ARHGAP18: variants seen among roughly 807,000 people sequenced by gnomAD.
ARHGAP18 encodes Rho GTPase activating protein 18, also known as rho GTPase-activating protein 18.
ARHGAP18 carries 67 observed loss-of-function variants against 86.2 expected under a neutral mutation model. The observed-to-expected ratio is 0.78, with a 90% CI of 0.64 to 0.95. The LOEUF (loss-of-function observed/expected upper bound fraction) is 0.95. Among genes scored for constraint, ARHGAP18 ranks in the 40% least tolerant of loss-of-function variants. The pLI is 0.00. For synonymous variants in ARHGAP18, 283 were observed against 280.4 expected (o/e 1.01, Z -0.09); for missense variants, 691 against 780.4 (o/e 0.89, Z 1.37).
chr6:129,660,255 C>G (rs1176279550), intron 1 of ARHGAP18, among the ~76,000 whole-genome samples: 1 of 152,200 alleles, frequency 6.6e-6, no homozygotes, highest in Admixed American at 6.5e-5. Flanking sequence ...CCTGAGACAG[C>G]CTGGGGCCAA....
In ARHGAP18 at chr6:129,638,546, T is replaced by C; in HGVS notation, c.400A>G (p.Ile134Val). 5 of 1,614,186 alleles carry C rather than the reference T, an allele frequency of 3.1e-6. No homozygotes were observed. Among genetic ancestry groups the C allele is most frequent in the Non-Finnish European group, 4.2e-6 (5 of 1,180,034 alleles). ...GESAGDPQES[I>V]VFLSTLTRTQ... ...CGCGTCAATGTTGATAAAAACACAA[T>C]GCTTTCCTGTGGATCTCCAGCAGAC... Residue 134 changes from isoleucine (I) to valine (V), a missense_variant, in exon 3 of 15, where the codon ATT becomes GTT. By Grantham distance (29) the Ile-to-Val change is conservative. Transcript: ENST00000368149.
intron 14 of ARHGAP18, 41 bp from the exon 15 acceptor site, chr6:129,578,645 G>T: frequency 6.8e-7 from 1 of 1,477,696 alleles, no homozygotes; most frequent in Non-Finnish European, 9.4e-7. Flanking sequence ...ACAGCAGGTA[G>T]ATTGGTATGC....
At chr6:129,634,797 G>A (rs1349869190) in intron 3 of ARHGAP18, among the ~76,000 whole-genome samples, 3 of 152,014 alleles carry the variant, frequency 2.0e-5, no homozygotes, top group East Asian at 3.9e-4. Context: ...CTTTAAGTGG[G>A]TGAATTATAT....
At position 129,584,042 on chromosome 6, in the gene ARHGAP18, A is replaced by T; in HGVS notation, c.1784T>A (p.Leu595Gln). The change falls in exon 13 of 15, where the codon CTA (leucine) becomes CAA (glutamine). Residue 595 changes from leucine to glutamine, a missense_variant. Coordinates refer to ENST00000368149, the MANE Select transcript of ARHGAP18 (RefSeq NM_033515.3). The part of the protein sequence containing the change: ...HLSKVSMAIQ[L>Q]TEELKASDVL... ...ATCACTGGCTTTTAGTTCTTCAGTT[A>T]GCTGTATTGCCATGGAAACTTTCGA... The T allele has an allele frequency of 6.2e-7, 1 of 1,613,872 alleles. No homozygotes were observed. Among genetic ancestry groups the T allele is most frequent in the Non-Finnish European group, 8.5e-7 (1 of 1,179,850 alleles).
chr6:129,689,263 A>C (rs942601112), intron 1 of ARHGAP18, among the ~76,000 whole-genome samples: 1 of 152,122 alleles, frequency 6.6e-6, no homozygotes, highest in Non-Finnish European at 1.5e-5. Context: ...AGAAACCAGC[A>C]TGTATTATTT....
At chr6:129,663,444 T>C (rs1773989845) in intron 1 of ARHGAP18, among the ~76,000 whole-genome samples, 1 of 152,192 alleles carries the variant, frequency 6.6e-6, no homozygotes, top group Non-Finnish European at 1.5e-5. Context: ...CTGCATCCTG[T>C]TTCCTACGCC....
chr6:129,688,620 C>A (rs1417111248), intron 1 of ARHGAP18, among the ~76,000 whole-genome samples: 1 of 152,118 alleles, frequency 6.6e-6, no homozygotes, highest in Non-Finnish European at 1.5e-5. Context: ...TGGTGAAATT[C>A]TGTCTCTACT....
chr6:129,598,477 G>T (rs1190930333), intron 12 of ARHGAP18, among the ~76,000 whole-genome samples: 4 of 152,190 alleles, frequency 2.6e-5, no homozygotes, highest in Non-Finnish European at 5.9e-5. Flanking sequence ...GTGGTAGTAG[G>T]GAGGAGGTGG....
intron 4 of ARHGAP18, among the ~76,000 whole-genome samples, chr6:129,631,299 C>T (rs1773199480): frequency 6.6e-6 from 1 of 152,116 alleles, no homozygotes; most frequent in Non-Finnish European, 1.5e-5. Flanking sequence ...CCCACACTCA[C>T]ACCCACACCA....
rs1773316263 is a variant in ARHGAP18 at position 129,635,626 on chromosome 6, T to C, written c.553-1521A>G. 2.0e-5 allele frequency among the ~76,000 whole-genome samples: 3 copies of C among 152,226 alleles called. No homozygotes were observed. The East Asian group carries it at 5.8e-4, about 29-fold the overall frequency. Reference sequence around the variant, plus strand: ...ACAGATGGTGTTCATTTCTGCATTATATTTCCTAGTGTCAGCAAGGCCTTC... The same window carrying C: ...ACAGATGGTGTTCATTTCTGCATTACATTTCCTAGTGTCAGCAAGGCCTTC... On this transcript the variant is annotated intron_variant, in intron 3 of 14. Coordinates refer to ENST00000368149, the MANE Select transcript of ARHGAP18 (RefSeq NM_033515.3).
At chr6:129,679,441 G>A (rs1774288433) in intron 1 of ARHGAP18, among the ~76,000 whole-genome samples, 1 of 152,184 alleles carries the variant, frequency 6.6e-6, no homozygotes, top group Non-Finnish European at 1.5e-5. Context: ...ACTTAAGCAT[G>A]TACTCATTTG....
intron 1 of ARHGAP18, among the ~76,000 whole-genome samples, chr6:129,660,604 C>T (rs1466876920): frequency 6.6e-6 from 1 of 152,126 alleles, no homozygotes; most frequent in African/African-American, 2.4e-5. Flanking sequence ...CACGGACCAG[C>T]GGCACCAGGC....
intron 1 of ARHGAP18, among the ~76,000 whole-genome samples, chr6:129,654,030 G>A (rs564153010): frequency 1.3e-5 from 2 of 152,216 alleles, no homozygotes; most frequent in South Asian, 4.2e-4. Flanking sequence ...GTGACAGAGC[G>A]AGACCCTGTC....
chr6:129,666,546 G>A (rs919504774), intron 1 of ARHGAP18, among the ~76,000 whole-genome samples: 2 of 152,064 alleles, frequency 1.3e-5, no homozygotes, highest in African/African-American at 2.4e-5. Flanking sequence ...TGCTACTTCC[G>A]TCACCAAGAA....
intron 10 of ARHGAP18, among the ~76,000 whole-genome samples, chr6:129,605,279 T>C (rs780294397): frequency 2.0e-5 from 3 of 152,196 alleles, no homozygotes; most frequent in Admixed American, 6.5e-5. Context: ...TATTAAGTTA[T>C]ATAAACATTA....
chr6:129,592,408 T>C (rs1788535406), intron 12 of ARHGAP18, among the ~76,000 whole-genome samples: 1 of 152,200 alleles, frequency 6.6e-6, no homozygotes, highest in African/African-American at 2.4e-5. Context: ...CTTCCAGTGG[T>C]AGCAACAGAT....
At position 129,584,079 on chromosome 6, in the gene ARHGAP18, C is replaced by T. The variant is rs775954068; in HGVS notation, c.1747G>A (p.Ala583Thr). The T allele has an allele frequency of 6.2e-7, 1 of 1,613,712 alleles. No homozygotes were observed. Residue 583 changes from alanine (A) to threonine (T), a missense_variant, in exon 13 of 15, where the codon GCT (alanine) becomes ACT (threonine). Coordinates refer to ENST00000368149, the MANE Select transcript of ARHGAP18 (RefSeq NM_033515.3). The stretch of plus-strand genomic sequence containing the variant: ...ATGGAAACTTTCGAAAGATGGGGAG[C>T]TTGCACTCGAATCACTCCCTGAGGA... ...DVPQGVIRVQ[A>T]PHLSKVSMAI...
chr6:129,661,024 A>G (rs1259721590), intron 1 of ARHGAP18, among the ~76,000 whole-genome samples: 4 of 150,502 alleles, frequency 2.7e-5, no homozygotes, highest in Admixed American at 2.6e-4. Context: ...AAACCTTTAA[A>G]AAAAAAAAAA....
chr6:129,612,797 G>T (rs1357616989), intron 7 of ARHGAP18, among the ~76,000 whole-genome samples: 2 of 152,134 alleles, frequency 1.3e-5, no homozygotes, highest in Non-Finnish European at 2.9e-5. Context: ...CTATTCCTGG[G>T]TTATATTATG....
Sources: gnomAD v4.1 joint callset for allele counts (sites outside exome capture counted in the v4.1 genomes callset) on GRCh38, gnomAD v4.1.1 for gene constraint, MANE v1.5 for transcripts, NCBI Gene and HGNC (gene_info 2026-07-23, HGNC 2026-07-21) for gene names.